Variants in RAPGEF4 observed in about 807,000 individuals in gnomAD.
RAPGEF4 encodes the protein Rap guanine nucleotide exchange factor 4, also known as RAP guanine-nucleotide-exchange factor (GEF) 4.
A neutral mutation model predicts 147.9 loss-of-function variants in RAPGEF4; 66 were observed. The observed-to-expected ratio is 0.45, with a 90% CI of 0.37 to 0.55. The LOEUF (loss-of-function observed/expected upper bound fraction) is 0.55, where lower values mean the gene tolerates loss of function less well. RAPGEF4 is among the 20% of genes least tolerant of loss of function. The pLI is 0.00. For synonymous variants in RAPGEF4, 419 were observed against 442.7 expected (o/e 0.95, Z 0.67); for missense variants, 1,071 against 1,257.3 (o/e 0.85, Z 2.24).
intron 6 of RAPGEF4, among the ~76,000 whole-genome samples, chr2:172,931,611 A>G (rs1284013802): frequency 6.6e-6 from 1 of 152,162 alleles, no homozygotes; most frequent in East Asian, 1.9e-4. Context: ...AGGAAGCCAC[A>G]CCCAAACCTT....
At chr2:172,873,793 A>G (rs1471180375) in intron 4 of RAPGEF4, among the ~76,000 whole-genome samples, 2 of 152,346 alleles carry the variant, frequency 1.3e-5, no homozygotes, top group African/African-American at 4.8e-5. Flanking sequence ...TTTGCAATCT[A>G]TCCATCTGAT....
intron 1 of RAPGEF4, among the ~76,000 whole-genome samples, chr2:172,751,721 A>T (rs1695308710): frequency 1.3e-5 from 2 of 152,210 alleles, no homozygotes; most frequent in African/African-American, 4.8e-5. Flanking sequence ...ACTTTACTAA[A>T]TAGGTGGATG....
chr2:172,770,993 T>G (rs1683507424), intron 1 of RAPGEF4, among the ~76,000 whole-genome samples: 1 of 152,190 alleles, frequency 6.6e-6, no homozygotes, highest in African/African-American at 2.4e-5. Context: ...TTTCAGTTGT[T>G]GCAGAATATA....
Position 172,845,056 on chromosome 2 carries a change from G to A in RAPGEF4, c.444+30631G>A, listed in dbSNP as rs183193943. ...TTTTAGCCCACATTACAGATTTTCTGATGGGAATAGTAATACAAATGGTAT... is the reference window on the plus strand; with the variant it reads ...TTTTAGCCCACATTACAGATTTTCTAATGGGAATAGTAATACAAATGGTAT... On this transcript the variant is annotated intron_variant, in intron 4 of 30. Coordinates refer to ENST00000397081, the MANE Select transcript of RAPGEF4 (RefSeq NM_007023.4). Among the ~76,000 whole-genome samples, 47 of 152,308 alleles carry A rather than the reference G, an allele frequency of 3.1e-4. No individual in the cohort carries two copies. The East Asian group carries it at 7.7e-3, about 25-fold the overall frequency.
chr2:173,037,820 G>A (rs1684247373), intron 29 of RAPGEF4, among the ~76,000 whole-genome samples: 1 of 152,126 alleles, frequency 6.6e-6, no homozygotes, highest in Non-Finnish European at 1.5e-5. Context: ...AACAGAAAAT[G>A]GGAATCATGC....
intron 4 of RAPGEF4, among the ~76,000 whole-genome samples, chr2:172,823,920 C>T (rs1473979494): frequency 6.6e-6 from 1 of 152,214 alleles, no homozygotes; most frequent in African/African-American, 2.4e-5. Context: ...TCCTAGGCCA[C>T]TTATTGTAAA....
intron 17 of RAPGEF4, among the ~76,000 whole-genome samples, chr2:173,007,779 G>T (rs536807949): frequency 2.0e-5 from 3 of 152,112 alleles, no homozygotes; most frequent in African/African-American, 4.8e-5. Context: ...AGAAATAGAC[G>T]CAGTGGTCAG....
chr2:172,875,064 C>T (rs1695731590), intron 4 of RAPGEF4, among the ~76,000 whole-genome samples: 1 of 152,180 alleles, frequency 6.6e-6, no homozygotes, highest in Non-Finnish European at 1.5e-5. Context: ...AGTGTCTGTT[C>T]ACATCCTTTG....
chr2:172,947,990 G>A (rs1263196429), intron 6 of RAPGEF4, among the ~76,000 whole-genome samples: 3 of 152,102 alleles, frequency 2.0e-5, no homozygotes, highest in Admixed American at 1.3e-4. Context: ...CCTTCCAAGG[G>A]TATAGTAATC....
intron 4 of RAPGEF4, among the ~76,000 whole-genome samples, chr2:172,911,763 T>G (rs1267297703): frequency 1.5e-5 from 2 of 132,696 alleles, no homozygotes; most frequent in Non-Finnish European, 3.2e-5. Flanking sequence ...TAAGCCTTTT[T>G]TTTTTTTTTT....
At chr2:172,988,898 G>A (rs1291148130) in intron 14 of RAPGEF4, 59 bp downstream of exon 14, 2 of 1,541,646 alleles carry the variant, frequency 1.3e-6, no homozygotes, top group African/African-American at 2.7e-5. Context: ...AACTAAATAA[G>A]CAAAGCTTTG....
At chr2:172,812,551 A>G (rs1378783864) in intron 3 of RAPGEF4, among the ~76,000 whole-genome samples, 2 of 152,180 alleles carry the variant, frequency 1.3e-5, no homozygotes, top group Non-Finnish European at 2.9e-5. Context: ...TTTGGTGACA[A>G]ACTACTCGTG....
intron 4 of RAPGEF4, among the ~76,000 whole-genome samples, chr2:172,872,255 T>A (rs945297531): frequency 2.0e-5 from 3 of 152,202 alleles, no homozygotes; most frequent in African/African-American, 7.2e-5. Context: ...AACAAAACTC[T>A]TCAGAGGCTT....
intron 7 of RAPGEF4, 48 bp downstream of exon 7, chr2:172,960,861 G>C: frequency 6.8e-7 from 1 of 1,474,166 alleles, no homozygotes; most frequent in Non-Finnish European, 9.4e-7. Context: ...AGCTTCTTAA[G>C]TACCTCTGGA....
Position 173,018,671 on chromosome 2 carries a change from A to G in RAPGEF4, c.2024A>G (p.Tyr675Cys). The G allele has an allele frequency of 6.2e-6, 10 of 1,614,048 alleles. No individual in the cohort carries two copies. The highest frequency in any genetic ancestry group is 8.5e-6 in the Non-Finnish European group (10 of 1,179,988). Residue 675 changes from tyrosine (Y) to cysteine (C), a missense_variant, in exon 22 of 31, where the codon TAT becomes TGT. By Grantham distance (194) the Tyr-to-Cys change is radical (BLOSUM62 -2). Coordinates refer to ENST00000397081, the MANE Select transcript of RAPGEF4 (RefSeq NM_007023.4). Reference sequence around the variant, plus strand: ...CTTTGGATAGTTCTGTTTAAGGTCTATTGCATGGACCACACCTACACAACC... The same window carrying G: ...CTTTGGATAGTTCTGTTTAAGGTCTGTTGCATGGACCACACCTACACAACC... Reference protein sequence around the residue: ...RGSDEVLFKVYCMDHTYTTIR... With the variant: ...RGSDEVLFKVCCMDHTYTTIR...
chr2:172,917,899 G>A (rs750422598), intron 5 of RAPGEF4, 25 bp downstream of exon 5: 12 of 1,596,772 alleles, frequency 7.5e-6, no homozygotes, highest in East Asian at 4.5e-5. Flanking sequence ...TGAACATTTT[G>A]TATCTAAAAA....
At chr2:172,855,860 C>T (rs1559078116) in intron 4 of RAPGEF4, among the ~76,000 whole-genome samples, 1 of 152,032 alleles carries the variant, frequency 6.6e-6, no homozygotes. Flanking sequence ...CATTTTCCCC[C>T]TGGTTGCTTT....
At chr2:172,913,127 C>T (rs1454989603) in intron 4 of RAPGEF4, among the ~76,000 whole-genome samples, 1 of 151,996 alleles carries the variant, frequency 6.6e-6, no homozygotes, top group Non-Finnish European at 1.5e-5. Context: ...AACTCCTGAC[C>T]TCAGGCGATC....
At chr2:172,879,973 A>G (rs1423133296) in intron 4 of RAPGEF4, among the ~76,000 whole-genome samples, 2 of 152,206 alleles carry the variant, frequency 1.3e-5, no homozygotes, top group Non-Finnish European at 2.9e-5. Flanking sequence ...TGGTTGGTCC[A>G]TTTATATAAT....
Sources: allele counts gnomAD v4.1 joint callset (sites outside exome capture counted in the v4.1 genomes callset), GRCh38; gene constraint gnomAD v4.1.1; transcripts MANE v1.5; gene names NCBI Gene and HGNC (gene_info 2026-07-23, HGNC 2026-07-21).